ADGRL2: variants seen among roughly 807,000 people sequenced by gnomAD.
The protein encoded by ADGRL2 is calcium-independent alpha-latrotoxin receptor 2.
A neutral mutation model predicts 157.4 loss-of-function variants in ADGRL2; 44 were observed. That is an observed-to-expected ratio of 0.28 (90% CI 0.22 to 0.36). The LOEUF (loss-of-function observed/expected upper bound fraction) is 0.36, where lower values mean the gene tolerates loss of function less well. ADGRL2 is among the 10% of genes least tolerant of loss of function. The pLI is 1.00. For synonymous variants in ADGRL2, 585 were observed against 624.7 expected (o/e 0.94, Z 0.95); for missense variants, 1,510 against 1,768.9 (o/e 0.85, Z 2.63).
intron 3 of ADGRL2, among the ~76,000 whole-genome samples, chr1:81,673,711 G>T (rs1451899810): frequency 2.0e-5 from 3 of 151,892 alleles, no homozygotes; most frequent in Non-Finnish European, 4.4e-5. Context: ...TAGAGACAGG[G>T]TTTCACCGTG....
intron 1 of ADGRL2, among the ~76,000 whole-genome samples, chr1:81,370,758 C>G (rs1458813301): frequency 1.3e-5 from 2 of 152,052 alleles, no homozygotes. Flanking sequence ...TCATCTCATT[C>G]CTCATTAAAT....
intron 2 of ADGRL2, among the ~76,000 whole-genome samples, chr1:81,886,532 T>G (rs573842103): frequency 2.0e-4 from 31 of 152,322 alleles, no homozygotes; most frequent in Non-Finnish European, 4.0e-4. Flanking sequence ...AGATAATTCT[T>G]GGCCAGAAAA....
At chr1:81,754,474 T>A (rs1352582880) in intron 1 of ADGRL2, among the ~76,000 whole-genome samples, 1 of 83,482 alleles carries the variant, frequency 1.2e-5, no homozygotes, top group African/African-American at 4.6e-5. Context: ...CCTTCTCCCC[T>A]CCCCTCCCCT....
chr1:81,677,710 G>A (rs79344358), intron 3 of ADGRL2, among the ~76,000 whole-genome samples: 1,534 of 152,156 alleles, frequency 0.01, 26 homozygotes, highest in African/African-American at 0.035. Context: ...AATAATGACC[G>A]TGTAATTCAC....
intron 1 of ADGRL2, chr1:81,427,591 A>T: frequency 1.4e-6 from 1 of 723,074 alleles, no homozygotes; most frequent in Non-Finnish European, 2.6e-6. Flanking sequence ...GACATGGTGG[A>T]TATAGGAGCA....
chr1:81,899,673 G>A (rs2094454051), intron 2 of ADGRL2, among the ~76,000 whole-genome samples: 1 of 152,162 alleles, frequency 6.6e-6, no homozygotes, highest in Admixed American at 6.6e-5. Context: ...TGTCAGGGTT[G>A]CAAGATGGAT....
chr1:81,620,820 G>T (rs1163602659), intron 3 of ADGRL2, among the ~76,000 whole-genome samples: 1 of 152,182 alleles, frequency 6.6e-6, no homozygotes, highest in African/African-American at 2.4e-5. Context: ...ATAAGTTCAG[G>T]GTAGGAAGAA....
At chr1:81,714,978 A>C (rs540302868) in intron 1 of ADGRL2, among the ~76,000 whole-genome samples, 1 of 151,912 alleles carries the variant, frequency 6.6e-6, no homozygotes, top group Non-Finnish European at 1.5e-5. Flanking sequence ...TTGATGCAAG[A>C]GTTCTCTCCT....
chr1:81,566,997 C>T (rs369937794), intron 2 of ADGRL2, among the ~76,000 whole-genome samples: 7 of 152,016 alleles, frequency 4.6e-5, no homozygotes, highest in African/African-American at 9.7e-5. Flanking sequence ...AAATAAATTT[C>T]GTAGTATCTG....
At chr1:81,846,569 A>T (rs937166152) in intron 2 of ADGRL2, among the ~76,000 whole-genome samples, 1 of 151,804 alleles carries the variant, frequency 6.6e-6, no homozygotes, top group African/African-American at 2.4e-5. Context: ...ATCCAAGTAA[A>T]ATTCTTATTT....
At chr1:81,545,928 G>A (rs902571271) in intron 2 of ADGRL2, among the ~76,000 whole-genome samples, 1 of 152,164 alleles carries the variant, frequency 6.6e-6, no homozygotes, top group Non-Finnish European at 1.5e-5. Context: ...ATGATGGTCT[G>A]TCAGCCTTGG....
chr1:81,543,411 T>C (rs1420383422), intron 2 of ADGRL2, among the ~76,000 whole-genome samples: 2 of 152,256 alleles, frequency 1.3e-5, no homozygotes, highest in Non-Finnish European at 1.5e-5. Context: ...GCTGGCACTT[T>C]GATCTTTGAC....
intron 2 of ADGRL2, among the ~76,000 whole-genome samples, chr1:81,769,456 T>C (rs565870209): frequency 6.6e-6 from 1 of 152,246 alleles, no homozygotes; most frequent in African/African-American, 2.4e-5. Context: ...TATATTTCCC[T>C]ACTAATCTTC....
At chr1:81,680,452 G>T (rs112420635) in intron 3 of ADGRL2, among the ~76,000 whole-genome samples, 35 of 152,246 alleles carry the variant, frequency 2.3e-4, no homozygotes, top group African/African-American at 7.7e-4. Flanking sequence ...CGGAATGTCG[G>T]CTTAGGGCTA....
At chr1:81,717,736 C>T (rs1462755694) in intron 1 of ADGRL2, among the ~76,000 whole-genome samples, 2 of 152,076 alleles carry the variant, frequency 1.3e-5, no homozygotes, top group Admixed American at 6.5e-5. Context: ...CCTTCCAGCA[C>T]AAGACAATAT....
intron 11 of ADGRL2, among the ~76,000 whole-genome samples, chr1:81,961,728 T>C (rs1323998609): frequency 6.6e-6 from 1 of 152,098 alleles, no homozygotes; most frequent in African/African-American, 2.4e-5. Flanking sequence ...CAGGCAAGTC[T>C]CGAACTCCTG....
At chr1:81,309,044 A>G (rs887538338) in intron 1 of ADGRL2, among the ~76,000 whole-genome samples, 10 of 152,150 alleles carry the variant, frequency 6.6e-5, no homozygotes, top group African/African-American at 2.4e-4. Context: ...ATAAATTATC[A>G]TCTTAAAAGG....
At chr1:81,903,001 T>C (rs2094516045) in intron 2 of ADGRL2, among the ~76,000 whole-genome samples, 1 of 152,226 alleles carries the variant, frequency 6.6e-6, no homozygotes, top group Non-Finnish European at 1.5e-5. Flanking sequence ...TATCGATCAC[T>C]TGAAATGTTG....
At chr1:81,426,997 C>T (rs1364420340) in intron 1 of ADGRL2, 103 of 916,272 alleles carry the variant, frequency 1.1e-4, no homozygotes, top group Non-Finnish European at 1.7e-4. Flanking sequence ...CAGTTGATAA[C>T]ATTGTTATTC....
Sources: gnomAD v4.1 joint callset for allele counts (sites outside exome capture counted in the v4.1 genomes callset) on GRCh38, gnomAD v4.1.1 for gene constraint, MANE v1.5 for transcripts, NCBI Gene and HGNC (gene_info 2026-07-23, HGNC 2026-07-21) for gene names.